AFF2: variants seen among roughly 807,000 people sequenced by gnomAD.
AFF2 encodes the protein ALF transcription elongation factor 2.
AFF2 carries 14 observed loss-of-function variants against 76.9 expected under a neutral mutation model. The ratio of observed to expected loss-of-function variants is 0.18; its 90% CI spans 0.12 to 0.28. The LOEUF is 0.28. Ranked by LOEUF, AFF2 falls within the 10% of genes least tolerant of loss-of-function variation. AFF2 has a pLI of 1.00. For missense variants in AFF2, 868 were observed against 1,001.1 expected (o/e 0.87, Z 1.79); for synonymous variants, 398 against 366.7 (o/e 1.09, Z -0.98).
chrX:148,645,740 G>A (rs2054137640), intron 1 of AFF2, among the ~76,000 whole-genome samples: 1 of 111,950 alleles, frequency 8.9e-6, no homozygotes, highest in African/African-American at 3.3e-5. Context: ...CATTTGCATT[G>A]TCCATTGCTT....
Position 148,820,368 on chromosome X carries a change from A to G in AFF2, c.1086+10448A>G, listed in dbSNP as rs782347925. ...CTATGAGAAAAATCCAAGCTCCTAGAAAAACTATGTGAACAAAATTATTCA... is the reference window on the plus strand; with the variant it reads ...CTATGAGAAAAATCCAAGCTCCTAGGAAAACTATGTGAACAAAATTATTCA... On this transcript the variant is annotated intron_variant, in intron 4 of 20. Coordinates refer to ENST00000370460, the MANE Select transcript of AFF2 (RefSeq NM_002025.4). 4.5e-5 allele frequency among the ~76,000 whole-genome samples: 5 copies of G among 111,749 alleles called. No individual in the cohort carries two copies. The South Asian group carries it at 1.5e-3, about 33-fold the overall frequency.
chrX:148,961,067 C>T (rs1211439702), intron 12 of AFF2, among the ~76,000 whole-genome samples: 1 of 112,019 alleles, frequency 8.9e-6, no homozygotes, highest in Non-Finnish European at 1.9e-5. Flanking sequence ...ACTGAATCCC[C>T]GCTGGTTGCT....
chrX:148,916,548 G>A (rs1557282634), intron 9 of AFF2, among the ~76,000 whole-genome samples: 2 of 110,965 alleles, frequency 1.8e-5, no homozygotes, highest in African/African-American at 3.3e-5. Flanking sequence ...ATGGTGATTC[G>A]GAGCCATGGA....
At chrX:148,843,578 G>T (rs868929301) in intron 7 of AFF2, 145 bp downstream of exon 7, 3 of 471,107 alleles carry the variant, frequency 6.4e-6, no homozygotes, top group East Asian at 3.8e-5. Flanking sequence ...TGGTTGGGGT[G>T]GGGGGAGAAT....
intron 5 of AFF2, among the ~76,000 whole-genome samples, chrX:148,841,798 G>A (rs2070603685): frequency 8.9e-6 from 1 of 111,853 alleles, no homozygotes; most frequent in Non-Finnish European, 1.9e-5. Flanking sequence ...CTACCAGGGA[G>A]AGCACAGAAG....
At chrX:148,663,556 G>T (rs1557258111) in intron 3 of AFF2, among the ~76,000 whole-genome samples, 1 of 112,355 alleles carries the variant, frequency 8.9e-6, no homozygotes. Context: ...AGGCCTTGTG[G>T]CCCCTGGGTG....
At chrX:148,608,327 A>G (rs2053692655) in intron 1 of AFF2, among the ~76,000 whole-genome samples, 1 of 111,327 alleles carries the variant, frequency 9.0e-6, no homozygotes, top group Non-Finnish European at 1.9e-5. Context: ...TCACGTAACT[A>G]TACAGTACTT....
intron 1 of AFF2, among the ~76,000 whole-genome samples, chrX:148,542,031 A>G (rs781793799): frequency 1.8e-5 from 2 of 109,377 alleles, no homozygotes; most frequent in African/African-American, 6.6e-5. Flanking sequence ...CTCTGCTGGA[A>G]AAAAGAAAGC....
At chrX:148,876,160 A>G (rs1455894864) in intron 7 of AFF2, among the ~76,000 whole-genome samples, 1 of 112,268 alleles carries the variant, frequency 8.9e-6, no homozygotes, top group Non-Finnish European at 1.9e-5. Context: ...ATCTTGAGCC[A>G]ATAATCACAG....
chrX:148,825,536 G>A (rs1001995063), intron 4 of AFF2, among the ~76,000 whole-genome samples: 1 of 109,109 alleles, frequency 9.2e-6, no homozygotes, highest in Non-Finnish European at 1.9e-5. Flanking sequence ...GATTGCCCCT[G>A]TGATTTTCTT....
At chrX:148,988,165 C>T in intron 20 of AFF2, among the ~76,000 whole-genome samples, 1 of 112,093 alleles carries the variant, frequency 8.9e-6, no homozygotes, top group Non-Finnish European at 1.9e-5. Context: ...CTCATGCAGA[C>T]ATCTGTGACC....
At chrX:148,907,887 C>G (rs115591397) in intron 9 of AFF2, among the ~76,000 whole-genome samples, 63 of 110,359 alleles carry the variant, frequency 5.7e-4, no homozygotes, top group African/African-American at 2.0e-3. Context: ...CTTATTTCAT[C>G]CCACAGCTGC....
chrX:148,912,323 C>G (rs1295915801), intron 9 of AFF2, among the ~76,000 whole-genome samples: 1 of 111,632 alleles, frequency 9.0e-6, no homozygotes, highest in Non-Finnish European at 1.9e-5. Flanking sequence ...TGTGTGTTCC[C>G]CTCCCTGTGT....
rs1344999569 is a variant in AFF2, at chrX:148,980,767, C to T, written c.3600C>T (p.Pro1200=). The change falls in exon 19 of 21, where the codon CCC becomes CCT. Residue 1200 remains proline (P), a synonymous_variant. Transcript: ENST00000370460. The part of the protein sequence containing the change: ...KQNASKVAQI[P]SPWVSNGKNT... The stretch of plus-strand genomic sequence containing the variant: ...ATGCTTCAAAAGTCGCACAGATACC[C>T]TCTCCATGGGTAAGCAATGGAAAGT... 8.3e-7 allele frequency: 1 copy of T among 1,197,776 alleles called. No homozygotes were observed. The highest frequency in any genetic ancestry group is 1.1e-6 in the Non-Finnish European group (1 of 886,933).
At chrX:148,860,440 C>T (rs1027765175) in intron 7 of AFF2, among the ~76,000 whole-genome samples, 1 of 111,910 alleles carries the variant, frequency 8.9e-6, no homozygotes, top group Non-Finnish European at 1.9e-5. Context: ...CCTCACAGAA[C>T]ATGAATTCTC....
intron 7 of AFF2, among the ~76,000 whole-genome samples, chrX:148,885,111 C>T (rs2071142133): frequency 9.0e-6 from 1 of 111,666 alleles, no homozygotes; most frequent in Admixed American, 9.5e-5. Context: ...GCTATTCGTC[C>T]TGCTGTAGCT....
chrX:148,504,525 G>A (rs1158049666), intron 1 of AFF2, among the ~76,000 whole-genome samples: 1 of 112,668 alleles, frequency 8.9e-6, no homozygotes, highest in Non-Finnish European at 1.9e-5. Context: ...AGGCAAGCTT[G>A]CAAACGGGCA....
At chrX:148,985,490 A>G (rs2072460264) in intron 19 of AFF2, among the ~76,000 whole-genome samples, 1 of 108,089 alleles carries the variant, frequency 9.3e-6, no homozygotes, top group Non-Finnish European at 1.9e-5. Flanking sequence ...TTTGTGGCAC[A>G]TGACAACTTT....
At chrX:148,969,379 T>G in intron 15 of AFF2, among the ~76,000 whole-genome samples, 1 of 112,268 alleles carries the variant, frequency 8.9e-6, no homozygotes, top group African/African-American at 3.2e-5. Context: ...GTATTAAAAT[T>G]TCATTGGGGG....
Sources: allele counts gnomAD v4.1 joint callset (sites outside exome capture counted in the v4.1 genomes callset), GRCh38; gene constraint gnomAD v4.1.1; transcripts MANE v1.5; gene names NCBI Gene and HGNC (gene_info 2026-07-23, HGNC 2026-07-21).